COL7A1: variants seen among roughly 807,000 people sequenced by gnomAD.
COL7A1 encodes the protein collagen alpha-1(VII) chain.
Under a neutral mutation model 456.2 loss-of-function variants are expected in COL7A1, and 296 were observed. That is an observed-to-expected ratio of 0.65 (90% CI 0.59 to 0.71). The LOEUF (loss-of-function observed/expected upper bound fraction) is 0.71, where lower values mean the gene tolerates loss of function less well. Ranked by LOEUF, COL7A1 falls within the 30% of genes least tolerant of loss-of-function variation. COL7A1 has a pLI of 0.00. For missense variants in COL7A1, 3,441 were observed against 4,017.2 expected (o/e 0.86, Z 3.88); for synonymous variants, 1,464 against 1,525.9 (o/e 0.96, Z 0.95).
rs1165508586 is a variant in COL7A1, at chr3:48,574,318, A to G, written c.6457-12T>C. The G allele has an allele frequency of 1.2e-6, 2 of 1,614,106 alleles. No homozygotes were observed. Among genetic ancestry groups the G allele is most frequent in the Non-Finnish European group, 1.7e-6 (2 of 1,179,998 alleles). On this transcript the variant is annotated splice_polypyrimidine_tract_variant and intron_variant, in intron 79 of 118. Transcript: ENST00000681320. This position sits in a 1 kb window ranked among gnomAD's most constrained non-coding sequence, Gnocchi z 5.0. ...TCTCCTGGTAGACCCTGCAGAGAAT[A>G]GGTTTAAGGCCTTAGTTTCCCAGTT...
Position 48,594,393 on chromosome 3 carries a change from T to C in COL7A1, c.241A>G (p.Thr81Ala). The change falls in exon 3 of 119, where the codon ACA (threonine) becomes GCA (alanine). Residue 81 changes from threonine (T) to alanine (A), a missense_variant. This residue lies in a region of COL7A1 where 913 missense variants were observed against 1,088.2 expected (regional missense o/e 0.84). Transcript: ENST00000681320. The surrounding 1 kb of genome is among the most constrained non-coding windows in gnomAD (Gnocchi z 5.5). Reference protein sequence around the residue: ...AASAQGVRFATVQYSDDPRTE... With the variant: ...AASAQGVRFAAVQYSDDPRTE... ...CGTGGGTCATCGCTGTACTGCACTG[T>C]GGCAAAGCGCACACCCTGTGCACTG... 6.2e-7 allele frequency: 1 copy of C among 1,611,366 alleles called. No individual in the cohort carries two copies.
Position 48,586,716 on chromosome 3 carries a change from G to T in COL7A1, c.3277-27C>A. On this transcript the variant is annotated intron_variant, in intron 25 of 118. Coordinates refer to ENST00000681320, the MANE Select transcript of COL7A1 (RefSeq NM_000094.4). The surrounding 1 kb of genome is among the most constrained non-coding windows in gnomAD (Gnocchi z 5.1). The stretch of plus-strand genomic sequence containing the variant: ...TGGGGTGGAAGGAAACACAGAGCCT[G>T]AGGAGGATGACAGAGCAGGGATGGG... The T allele has an allele frequency of 5.1e-6, 8 of 1,560,478 alleles. No individual in the cohort carries two copies. The highest frequency in any genetic ancestry group is 6.1e-6 in the Non-Finnish European group (7 of 1,151,752).
Position 48,576,765 on chromosome 3 carries a change from C to G in COL7A1, c.5611G>C (p.Asp1871His). 6.2e-7 allele frequency: 1 copy of G among 1,613,498 alleles called. No individual in the cohort carries two copies. Among genetic ancestry groups the G allele is most frequent in the South Asian group, 1.1e-5 (1 of 91,022 alleles). The change falls in exon 68 of 119, where the codon GAT (aspartate) becomes CAT (histidine). Residue 1871 changes from aspartate to histidine, a missense_variant. Transcript: ENST00000681320. Reference sequence around the variant, plus strand: ...GCTCCACGCTCACCCTTGGGGCCATCACGACCCTGTGAAGGATGCAGCCAG... The same window carrying G: ...GCTCCACGCTCACCCTTGGGGCCATGACGACCCTGTGAAGGATGCAGCCAG... ...DSGASGREGR[D>H]GPKGERGAPG... is the part of the protein sequence containing the mutation.
rs745814090 is a variant in COL7A1 at position 48,568,460 on chromosome 3, T to A, written c.7794+39A>T. On this transcript the variant is annotated intron_variant, in intron 105 of 118. Coordinates refer to ENST00000681320, the MANE Select transcript of COL7A1 (RefSeq NM_000094.4). This position sits in a 1 kb window ranked among gnomAD's most constrained non-coding sequence, Gnocchi z 5.2. Reference sequence around the variant, plus strand: ...GACCACCATGGTGACGGGGGCCCTCTGGGGACAGGGGGCCCCTGTGGGAGC... The same window carrying A: ...GACCACCATGGTGACGGGGGCCCTCAGGGGACAGGGGGCCCCTGTGGGAGC... 5.1e-6 allele frequency: 8 copies of A among 1,580,066 alleles called. No homozygotes were observed. The African/African-American group carries it at 1.1e-4, about 21-fold the overall frequency.
In COL7A1 at chr3:48,587,127, G is replaced by A. The variant is rs1461138023; in HGVS notation, c.3140-19C>T. Reference sequence around the variant, plus strand: ...GGGCACACTGTAGGAAGGGGAACAAGTTACTGAAGCGGGCAGCCCACCCAG... The same window carrying A: ...GGGCACACTGTAGGAAGGGGAACAAATTACTGAAGCGGGCAGCCCACCCAG... On this transcript the variant is annotated intron_variant, in intron 24 of 118. Transcript: ENST00000681320. This position sits in a 1 kb window ranked among gnomAD's most constrained non-coding sequence, Gnocchi z 6.1. 6.2e-7 allele frequency: 1 copy of A among 1,613,372 alleles called. No individual in the cohort carries two copies. Among genetic ancestry groups the A allele is most frequent in the Admixed American group, 1.7e-5 (1 of 59,932 alleles).
Position 48,594,643 on chromosome 3 carries a change from A to G in COL7A1, c.86-95T>C. 7.1e-7 allele frequency: 1 copy of G among 1,412,788 alleles called. No individual in the cohort carries two copies. The highest frequency in any genetic ancestry group is 1.4e-5 in the African/African-American group (1 of 70,440). 87.5% of individuals were successfully genotyped at this position (1,412,788 alleles called of 1,614,324 possible). Reference sequence around the variant, plus strand: ...CACTGGGACTTGGGATGGTGGGGAGAGTAGGCCTCATCTTATGCAAACCAG... The same window carrying G: ...CACTGGGACTTGGGATGGTGGGGAGGGTAGGCCTCATCTTATGCAAACCAG... On this transcript the variant is annotated intron_variant, in intron 2 of 118. Coordinates refer to ENST00000681320, the MANE Select transcript of COL7A1 (RefSeq NM_000094.4). This position sits in a 1 kb window ranked among gnomAD's most constrained non-coding sequence, Gnocchi z 5.5.
In COL7A1 at chr3:48,587,458, T is replaced by C; in HGVS notation, c.2954A>G (p.Tyr985Cys). 2 of 1,613,276 alleles carry C rather than the reference T, an allele frequency of 1.2e-6. No individual in the cohort carries two copies. Among genetic ancestry groups the C allele is most frequent in the South Asian group, 2.2e-5 (2 of 91,090 alleles). Reference protein sequence around the residue: ...AWTPVSRASSYILSWRPLRGP... With the variant: ...AWTPVSRASSCILSWRPLRGP... ...TCTGAGTGGCCGCCAGGATAGGATG[T>C]AGCTGGATGCCCTGGACACTGGAGT... Residue 985 changes from tyrosine to cysteine, a missense_variant, in exon 23 of 119, where the codon TAC becomes TGC. By Grantham distance (194) the Tyr-to-Cys change is radical. Transcript: ENST00000681320. The surrounding 1 kb of genome is among the most constrained non-coding windows in gnomAD (Gnocchi z 6.1).
At position 48,570,658 on chromosome 3, in the gene COL7A1, G is replaced by A; in HGVS notation, c.7325C>T (p.Pro2442Leu). The change falls in exon 96 of 119, where the codon CCT becomes CTT. Residue 2442 changes from proline (P) to leucine (L), a missense_variant. Physicochemically the swap from Pro to Leu is moderately conservative, Grantham distance 98. Around this residue, in one of 3 missense-constraint regions of COL7A1, gnomAD observed 2,084 missense variants for 2,501.3 expected, o/e 0.83. Coordinates refer to ENST00000681320, the MANE Select transcript of COL7A1 (RefSeq NM_000094.4). This position sits in a 1 kb window ranked among gnomAD's most constrained non-coding sequence, Gnocchi z 5.5. Reference sequence around the variant, plus strand: ...ACTCACCACTGACCCCGGTGGTCCAGGTGGCCCCAGGGGTCCTGGGATTCC... The same window carrying A: ...ACTCACCACTGACCCCGGTGGTCCAAGTGGCCCCAGGGGTCCTGGGATTCC... ...REGIPGPLGP[P>L]GPPGSVGPPG... 2 of 1,597,354 alleles carry A rather than the reference G, an allele frequency of 1.3e-6. No homozygotes were observed. The highest frequency in any genetic ancestry group is 1.7e-6 in the Non-Finnish European group (2 of 1,171,094).
chr3:48,585,115 C>A lies in COL7A1; in HGVS notation c.3896G>T (p.Gly1299Val), dbSNP rs1013368053. ...PGSATAKGERGFPGADGRPGS... is the reference protein window; with the variant it reads ...PGSATAKGERVFPGADGRPGS... ...TGGACGCCCATCTGCTCCAGGGAAG[C>A]CCTGAGGAGGTGAAGAGGTCAGGAC... is the stretch of plus-strand genomic sequence containing the variant. The change falls in exon 33 of 119, where the codon GGC becomes GTC. Residue 1299 changes from glycine (G) to valine (V), a missense_variant and splice_region_variant. Coordinates refer to ENST00000681320, the MANE Select transcript of COL7A1 (RefSeq NM_000094.4). This position sits in a 1 kb window ranked among gnomAD's most constrained non-coding sequence, Gnocchi z 4.5. 4 of 1,611,044 alleles carry A rather than the reference C, an allele frequency of 2.5e-6. No individual in the cohort carries two copies. Among genetic ancestry groups the A allele is most frequent in the Non-Finnish European group, 2.5e-6 (3 of 1,179,786 alleles).
Position 48,595,286 on chromosome 3 carries a change from C to A in COL7A1, c.-20G>T. The stretch of plus-strand genomic sequence containing the variant: ...GTCTTGCCTGCGCGTCCGCCCGCTC[C>A]CGCCGCCGCCGCTGCAGTCTCTCGG... On this transcript the variant is annotated 5_prime_UTR_variant, in exon 1 of 119. Transcript: ENST00000681320. 1 of 724,316 alleles carries A rather than the reference C, an allele frequency of 1.4e-6. No individual in the cohort carries two copies. Among genetic ancestry groups the A allele is most frequent in the Non-Finnish European group, 2.4e-6 (1 of 414,036 alleles). The allele number at this position is 724,316 out of a possible 1,614,324, so 44.9% of individuals were successfully genotyped here.
chr3:48,578,443 C>T lies in COL7A1; in HGVS notation c.5487+10G>A. ...GGGGAAAAGGGGGTAACATGAAAGT[C>T]TGGTCTCACCGGTAATCCAGGGGGA... On this transcript the variant is annotated intron_variant, in intron 64 of 118. Coordinates refer to ENST00000681320, the MANE Select transcript of COL7A1 (RefSeq NM_000094.4). The surrounding 1 kb of genome is among the most constrained non-coding windows in gnomAD (Gnocchi z 4.7). 2 of 1,613,384 alleles carry T rather than the reference C, an allele frequency of 1.2e-6. No individual in the cohort carries two copies. The highest frequency in any genetic ancestry group is 1.7e-6 in the Non-Finnish European group (2 of 1,180,036).
chr3:48,568,056 G>T lies in COL7A1; in HGVS notation c.7875+34C>A. ...TCGCCCTTCAACATTAGGCCTTCCTGACCAGAAAAAAACCAATCTTGTTTC... is the reference window on the plus strand; with the variant it reads ...TCGCCCTTCAACATTAGGCCTTCCTTACCAGAAAAAAACCAATCTTGTTTC... On this transcript the variant is annotated intron_variant, in intron 106 of 118. Coordinates refer to ENST00000681320, the MANE Select transcript of COL7A1 (RefSeq NM_000094.4). This position sits in a 1 kb window ranked among gnomAD's most constrained non-coding sequence, Gnocchi z 5.2. 1 of 1,613,298 alleles carries T rather than the reference G, an allele frequency of 6.2e-7. No homozygotes were observed. Among genetic ancestry groups the T allele is most frequent in the South Asian group, 1.1e-5 (1 of 90,962 alleles).
rs1255793086 is a variant in COL7A1, at chr3:48,592,606, T to C, written c.940A>G (p.Ser314Gly). The C allele has an allele frequency of 6.2e-7, 1 of 1,614,036 alleles. No homozygotes were observed. Among genetic ancestry groups the C allele is most frequent in the African/African-American group, 1.3e-5 (1 of 75,032 alleles). ...QVTVIALYAN[S>G]IGEAVSGTAR... ...GTCCCGCTCACAGCCTCCCCGATGC[T>C]GTTGGCGTAGAGGGCAATCACAGTC... Residue 314 changes from serine to glycine, a missense_variant, in exon 8 of 119, where the codon AGC (serine) becomes GGC (glycine). Around this residue, in one of 3 missense-constraint regions of COL7A1, gnomAD observed 913 missense variants for 1,088.2 expected, o/e 0.84. Transcript: ENST00000681320. The surrounding 1 kb of genome is among the most constrained non-coding windows in gnomAD (Gnocchi z 7.6).
chr3:48,574,898 T>C lies in COL7A1; in HGVS notation c.6280-33A>G. ...CACAAGGTCACAGGGGAGAGATGTCTCTGTCATAGAGGCATGGGGGAGTCA... is the reference window on the plus strand; with the variant it reads ...CACAAGGTCACAGGGGAGAGATGTCCCTGTCATAGAGGCATGGGGGAGTCA... On this transcript the variant is annotated intron_variant, in intron 76 of 118. Transcript: ENST00000681320. This position sits in a 1 kb window ranked among gnomAD's most constrained non-coding sequence, Gnocchi z 5.0. 8 of 1,611,770 alleles carry C rather than the reference T, an allele frequency of 5.0e-6. No individual in the cohort carries two copies. The highest frequency in any genetic ancestry group is 6.8e-6 in the Non-Finnish European group (8 of 1,178,420).
intron 70 of COL7A1, 31 bp from the exon 71 acceptor site, chr3:48,576,327 C>T: frequency 6.2e-7 from 1 of 1,613,924 alleles, no homozygotes; most frequent in Non-Finnish European, 8.5e-7. Context: ...TGCTAGGAAC[C>T]AGCCTATGGG....
In COL7A1 at chr3:48,566,197, C is replaced by T. The variant is rs1443364966; in HGVS notation, c.8407+70G>A. 1.3e-6 allele frequency: 2 copies of T among 1,523,190 alleles called. No individual in the cohort carries two copies. The highest frequency in any genetic ancestry group is 1.8e-6 in the Non-Finnish European group (2 of 1,118,810). The allele number at this position is 1,523,190 out of a possible 1,614,324, so 94.4% of individuals were successfully genotyped here. A position where few individuals can be genotyped will look rare whatever the true frequency, so the allele number is the denominator to read the frequency against. ...TTCTTGACTGCTTGCCCTGTAAGTT[C>T]TAGGGGCCTGCCTGCCCTTGCCTAG... On this transcript the variant is annotated intron_variant, in intron 114 of 118. Coordinates refer to ENST00000681320, the MANE Select transcript of COL7A1 (RefSeq NM_000094.4). This position sits in a 1 kb window ranked among gnomAD's most constrained non-coding sequence, Gnocchi z 5.9.
chr3:48,587,512 G>T lies in COL7A1; in HGVS notation c.2900C>A (p.Thr967Asn). The stretch of plus-strand genomic sequence containing the variant: ...GGCCAAAGTCACCGAGTCGATCGAG[G>T]TGTCCACCACACGTAGTTCAATGCT... ...VPSIELRVVD[T>N]SIDSVTLAWT... Residue 967 changes from threonine to asparagine, a missense_variant, in exon 23 of 119, where the codon ACC becomes AAC. Physicochemically the swap from Thr to Asn is moderately conservative, Grantham distance 65. This residue lies in a region of COL7A1 where 444 missense variants were observed against 427.6 expected (regional missense o/e 1.04). Coordinates refer to ENST00000681320, the MANE Select transcript of COL7A1 (RefSeq NM_000094.4). This position sits in a 1 kb window ranked among gnomAD's most constrained non-coding sequence, Gnocchi z 6.1. 1 of 1,613,514 alleles carries T rather than the reference G, an allele frequency of 6.2e-7. No homozygotes were observed. The highest frequency in any genetic ancestry group is 8.5e-7 in the Non-Finnish European group (1 of 1,180,034).
Position 48,567,903 on chromosome 3 carries a change from A to G in COL7A1, c.7876-12T>C. ...ACTCCCCGTTCACCCTGAGGGAGAA[A>G]AGCAGATGAAGAAGTGATTCCCAGA... is the stretch of plus-strand genomic sequence containing the variant. On this transcript the variant is annotated splice_polypyrimidine_tract_variant and intron_variant, in intron 106 of 118. Coordinates refer to ENST00000681320, the MANE Select transcript of COL7A1 (RefSeq NM_000094.4). This position sits in a 1 kb window ranked among gnomAD's most constrained non-coding sequence, Gnocchi z 4.3. 1 of 1,614,034 alleles carries G rather than the reference A, an allele frequency of 6.2e-7. No individual in the cohort carries two copies. Among genetic ancestry groups the G allele is most frequent in the Non-Finnish European group, 8.5e-7 (1 of 1,179,984 alleles).
chr3:48,573,578 C>T lies in COL7A1; in HGVS notation c.6574-21G>A. On this transcript the variant is annotated intron_variant, in intron 82 of 118. Coordinates refer to ENST00000681320, the MANE Select transcript of COL7A1 (RefSeq NM_000094.4). The surrounding 1 kb of genome is among the most constrained non-coding windows in gnomAD (Gnocchi z 5.5). Reference sequence around the variant, plus strand: ...AGACCCTAGAGAAAAGGGTCAAGGGCAGGGAACAGGGCTCAGGGATTAACA... The same window carrying T: ...AGACCCTAGAGAAAAGGGTCAAGGGTAGGGAACAGGGCTCAGGGATTAACA... 2.5e-6 allele frequency: 4 copies of T among 1,614,084 alleles called. No homozygotes were observed. The highest frequency in any genetic ancestry group is 3.4e-6 in the Non-Finnish European group (4 of 1,180,012).
Sources: allele counts gnomAD v4.1 joint callset, GRCh38; gene constraint gnomAD v4.1.1; regional missense constraint gnomAD v4.1.1; non-coding constraint Gnocchi (gnomAD v3.1); transcripts MANE v1.5; gene names NCBI Gene and HGNC (gene_info 2026-07-23, HGNC 2026-07-21).